Variants in ABCB1 observed in about 807,000 individuals in gnomAD.
The protein encoded by ABCB1 is ATP binding cassette subfamily B member 1, also known as ATP-dependent translocase ABCB1.
Under a neutral mutation model 142.0 loss-of-function variants are expected in ABCB1, and 69 were observed. The observed-to-expected ratio is 0.49, with a 90% CI of 0.40 to 0.59. The LOEUF is 0.59. ABCB1 is among the 20% of genes least tolerant of loss of function. The pLI is 0.00. For missense variants in ABCB1, 1,326 were observed against 1,554.7 expected (o/e 0.85, Z 2.47); for synonymous variants, 532 against 539.2 (o/e 0.99, Z 0.18).
intron 1 of ABCB1, among the ~76,000 whole-genome samples, chr7:87,647,353 A>G (rs1823112461): frequency 6.6e-6 from 1 of 152,148 alleles, no homozygotes; most frequent in Non-Finnish European, 1.5e-5. Flanking sequence ...CCCATTTTCT[A>G]AGAAGTGTAT....
intron 1 of ABCB1, among the ~76,000 whole-genome samples, chr7:87,649,678 A>G (rs1823378884): frequency 6.6e-6 from 1 of 152,148 alleles, no homozygotes. Context: ...TAAGCTCATA[A>G]AAATTTTGGA....
chr7:87,643,664 G>A (rs1007585915), intron 1 of ABCB1, among the ~76,000 whole-genome samples: 8 of 151,496 alleles, frequency 5.3e-5, no homozygotes, highest in African/African-American at 1.9e-4. Context: ...GGGACTGCAG[G>A]TGCATGCCGC....
Position 87,503,290 on chromosome 7 carries a change from A to T in ABCB1, c.*953T>A, listed in dbSNP as rs1814569386. On this transcript the variant is annotated 3_prime_UTR_variant, in exon 28 of 28. Coordinates refer to ENST00000622132, the MANE Select transcript of ABCB1 (RefSeq NM_001348946.2). ...ATAATGCTTTTTGGCTAATTTAAAA[A>T]AATTTGTCGTCCAGAGTCCCAACCT... Among the ~76,000 whole-genome samples, 1 of 152,076 alleles carries T rather than the reference A, an allele frequency of 6.6e-6. No homozygotes were observed. Among genetic ancestry groups the T allele is most frequent in the African/African-American group, 2.4e-5 (1 of 41,438 alleles).
Position 87,544,961 on chromosome 7 carries a change from A to G in ABCB1, c.1926T>C (p.Asp642=), listed in dbSNP as rs760692569. 21 of 1,614,096 alleles carry G rather than the reference A, an allele frequency of 1.3e-5. No homozygotes were observed. In the South Asian group the frequency reaches 2.3e-4, roughly 18 times the overall value. ...AGGCATCAATTTCACTTTTGGATTC[A>G]TCAGCTGCATTTTCTAATTCAACTT... ...GNEVELENAA[D]ESKSEIDALE... Residue 642 remains aspartate, a synonymous_variant, in exon 16 of 28, where the codon GAT becomes GAC. Transcript: ENST00000622132.
intron 1 of ABCB1, among the ~76,000 whole-genome samples, chr7:87,632,596 C>T (rs1821335024): frequency 6.6e-6 from 1 of 152,028 alleles, no homozygotes; most frequent in African/African-American, 2.4e-5. Flanking sequence ...TAGTATTTTC[C>T]CTGTATATTC....
intron 1 of ABCB1, among the ~76,000 whole-genome samples, chr7:87,620,994 G>A (rs1302705143): frequency 1.3e-5 from 2 of 151,676 alleles, no homozygotes; most frequent in Non-Finnish European, 2.9e-5. Context: ...ACTATGAAAC[G>A]CCACCAAGTG....
At chr7:87,612,828 C>A (rs1440893291) in intron 1 of ABCB1, among the ~76,000 whole-genome samples, 1 of 151,968 alleles carries the variant, frequency 6.6e-6, no homozygotes, top group Non-Finnish European at 1.5e-5. Flanking sequence ...AGGAATTGCA[C>A]TGAACTTTTA....
At chr7:87,599,205 T>A (rs976434063) in intron 2 of ABCB1, among the ~76,000 whole-genome samples, 3 of 152,222 alleles carry the variant, frequency 2.0e-5, no homozygotes, top group Admixed American at 6.5e-5. Flanking sequence ...AACTTACTAG[T>A]CTATTTTACA....
At chr7:87,656,901 T>C (rs1458443671) in intron 1 of ABCB1, among the ~76,000 whole-genome samples, 1 of 152,194 alleles carries the variant, frequency 6.6e-6, no homozygotes, top group East Asian at 1.9e-4. Flanking sequence ...TTATTGAGTA[T>C]CTACTATATG....
At chr7:87,532,683 A>G (rs1381000500) in intron 20 of ABCB1, among the ~76,000 whole-genome samples, 2 of 152,172 alleles carry the variant, frequency 1.3e-5, no homozygotes, top group Non-Finnish European at 2.9e-5. Flanking sequence ...GCATGTAATC[A>G]AGAAGTAACA....
At chr7:87,638,810 C>G (rs1044275842) in intron 1 of ABCB1, among the ~76,000 whole-genome samples, 1 of 151,990 alleles carries the variant, frequency 6.6e-6, no homozygotes, top group Non-Finnish European at 1.5e-5. Context: ...TCTGTCGACT[C>G]GTGTTATGAC....
At chr7:87,591,469 G>A (rs1055291147) in intron 3 of ABCB1, among the ~76,000 whole-genome samples, 8 of 152,122 alleles carry the variant, frequency 5.3e-5, no homozygotes, top group Non-Finnish European at 8.8e-5. Flanking sequence ...TGATACACGT[G>A]TGTGTGTGTT....
At chr7:87,649,099 T>A (rs2130360939) in intron 1 of ABCB1, among the ~76,000 whole-genome samples, 1 of 152,256 alleles carries the variant, frequency 6.6e-6, no homozygotes, top group African/African-American at 2.4e-5. Flanking sequence ...GATTCCCCAC[T>A]GTCTTAGGCA....
intron 5 of ABCB1, among the ~76,000 whole-genome samples, chr7:87,567,291 C>T (rs1370696292): frequency 6.6e-6 from 1 of 152,228 alleles, no homozygotes; most frequent in Non-Finnish European, 1.5e-5. Flanking sequence ...TAAAAATACT[C>T]ATGCATGAAA....
intron 1 of ABCB1, among the ~76,000 whole-genome samples, chr7:87,614,860 C>G (rs28655259): frequency 5.3e-5 from 8 of 150,700 alleles, no homozygotes; most frequent in Admixed American, 5.3e-4. Context: ...GTGGGGGGGG[C>G]CGGGGAACGG....
rs1239674801 is a variant in ABCB1, at chr7:87,516,562, T to A, written c.3031A>T (p.Ile1011Phe). 1.9e-6 allele frequency: 3 copies of A among 1,614,162 alleles called. No individual in the cohort carries two copies. The highest frequency in any genetic ancestry group is 2.5e-6 in the Non-Finnish European group (3 of 1,180,034). ...TCAATCAAAGGGGTTTTTTCAATGA[T>A]CATGATGATGTGGGCTGCTGATATT... Reference protein sequence around the residue: ...AKISAAHIIMIIEKTPLIDSY... With the variant: ...AKISAAHIIMFIEKTPLIDSY... The change falls in exon 24 of 28, where the codon ATC becomes TTC. Residue 1011 changes from isoleucine (I) to phenylalanine (F), a missense_variant. Ile to Phe is a conservative substitution (Grantham distance 21). Coordinates refer to ENST00000622132, the MANE Select transcript of ABCB1 (RefSeq NM_001348946.2).
chr7:87,708,364 T>C (rs948029361), intron 1 of ABCB1, among the ~76,000 whole-genome samples: 1 of 152,084 alleles, frequency 6.6e-6, no homozygotes, highest in Non-Finnish European at 1.5e-5. Context: ...TATGAATAAC[T>C]TCACATCTAT....
intron 1 of ABCB1, among the ~76,000 whole-genome samples, chr7:87,712,619 A>G (rs950130830): frequency 6.6e-6 from 1 of 152,076 alleles, no homozygotes; most frequent in African/African-American, 2.4e-5. Context: ...TAATTCTTCA[A>G]TAGATTATTT....
intron 7 of ABCB1, among the ~76,000 whole-genome samples, chr7:87,563,017 G>T (rs1817632522): frequency 6.6e-6 from 1 of 152,188 alleles, no homozygotes; most frequent in Non-Finnish European, 1.5e-5. Flanking sequence ...GATCCCATCA[G>T]AGAATATTAT....
Sources: gnomAD v4.1 joint callset for allele counts (sites outside exome capture counted in the v4.1 genomes callset) on GRCh38, gnomAD v4.1.1 for gene constraint, MANE v1.5 for transcripts, NCBI Gene and HGNC (gene_info 2026-07-23, HGNC 2026-07-21) for gene names.